The following SMG5 variants were observed in gnomAD, a reference collection of about 807,000 sequenced individuals.
The protein encoded by SMG5 is SMG5 nonsense mediated mRNA decay factor, also known as nonsense-mediated mRNA decay factor SMG5.
In SMG5, 53 loss-of-function variants were observed where a neutral mutation model predicts 122.9. That is an observed-to-expected ratio of 0.43 (90% CI 0.35 to 0.54). The LOEUF (loss-of-function observed/expected upper bound fraction) is 0.54, where lower values mean the gene tolerates loss of function less well. Among genes scored for constraint, SMG5 ranks in the 20% least tolerant of loss-of-function variants. The pLI, the probability that SMG5 is intolerant of heterozygous loss-of-function variation, is 0.01. For missense variants in SMG5, 1,153 were observed against 1,285.6 expected, an observed-to-expected ratio of 0.90 and a Z score of 1.58; for synonymous variants, 477 against 490.2, an observed-to-expected ratio of 0.97 and a Z score of 0.35.
intron 1 of SMG5, among the ~76,000 whole-genome samples, chr1:156,280,390 C>CT (rs1292757293): frequency 1.2e-4 from 18 of 152,238 alleles, no homozygotes; most frequent in Admixed American, 1.0e-3. Flanking sequence ...AGGAGGCACA[C>CT]TACTAAGCTG....
intron 16 of SMG5, chr1:156,253,718 G>C: frequency 3.3e-6 from 2 of 598,238 alleles, no homozygotes; most frequent in Admixed American, 5.0e-5. Flanking sequence ...CCCGATGCAG[G>C]TCATGATGTT....
chr1:156,253,315 G>A, intron 17 of SMG5, 134 bp downstream of exon 17: 1 of 992,064 alleles, frequency 1.0e-6, no homozygotes, highest in Non-Finnish European at 1.6e-6. Flanking sequence ...AGTAAGGAGG[G>A]TCATCTGGGA....
chr1:156,282,477 C>T (rs1004036733), intron 1 of SMG5, 130 bp downstream of exon 1: 1 of 973,992 alleles, frequency 1.0e-6, no homozygotes, highest in African/African-American at 1.6e-5. Flanking sequence ...CGCCCCGCCT[C>T]CAAAATTGCA....
Position 156,259,023 on chromosome 1 carries a change from G to C in SMG5, c.2424C>G (p.Ala808=), listed in dbSNP as rs780775657. 33 of 1,613,658 alleles carry C rather than the reference G, an allele frequency of 2.0e-5. No homozygotes were observed. Among genetic ancestry groups the C allele is most frequent in the Non-Finnish European group, 1.0e-5 (12 of 1,179,908 alleles). The change falls in exon 16 of 22, where the codon GCC becomes GCG. Residue 808 remains alanine (A), a synonymous_variant. Transcript: ENST00000361813. ...QSEQESLLQQ[A]QAQFRMAQEE... ...GACTCACCATTCGGAACTGTGCCTG[G>C]GCCTGCTGCAGCAGGCTCTCCTGCT... is the stretch of plus-strand genomic sequence containing the variant.
chr1:156,274,821 C>T (rs1249829906), intron 4 of SMG5, 135 bp from the exon 5 acceptor site: 4 of 680,330 alleles, frequency 5.9e-6, no homozygotes, highest in Non-Finnish European at 1.0e-5. Flanking sequence ...GGCAGAGACA[C>T]ACTCATCCAG....
intron 7 of SMG5, among the ~76,000 whole-genome samples, chr1:156,268,945 A>T (rs1002956195): frequency 7.9e-5 from 12 of 151,402 alleles, no homozygotes; most frequent in African/African-American, 2.7e-4. Flanking sequence ...CAGCTAACAC[A>T]TGGTAGAGAA....
Position 156,253,523 on chromosome 1 carries a change from A to T in SMG5, c.2443-15T>A. 6.2e-7 allele frequency: 1 copy of T among 1,613,954 alleles called. No homozygotes were observed. The highest frequency in any genetic ancestry group is 8.5e-7 in the Non-Finnish European group (1 of 1,179,852). ...TCCTCCTGTGCCTATGAGGGAAAAAATGAGCTGTAAGGAGTTGGGGTGTAT... is the reference window on the plus strand; with the variant it reads ...TCCTCCTGTGCCTATGAGGGAAAAATTGAGCTGTAAGGAGTTGGGGTGTAT... On this transcript the variant is annotated splice_polypyrimidine_tract_variant and intron_variant, in intron 16 of 21. Coordinates refer to ENST00000361813, the MANE Select transcript of SMG5 (RefSeq NM_015327.3).
At chr1:156,256,636 T>C (rs1003339898) in intron 16 of SMG5, among the ~76,000 whole-genome samples, 1 of 152,024 alleles carries the variant, frequency 6.6e-6, no homozygotes, top group Non-Finnish European at 1.5e-5. Context: ...AAGATGGAGC[T>C]GTGCTAATAT....
In SMG5 at chr1:156,266,681, G is replaced by A; in HGVS notation, c.1118-3C>T. The A allele has an allele frequency of 1.9e-6, 3 of 1,614,112 alleles. No homozygotes were observed. The highest frequency in any genetic ancestry group is 2.5e-6 in the Non-Finnish European group (3 of 1,180,002). ...GGCTGCACTGTACTGCTTGGATCCT[G>A]AAGTCAGGAAAGCCAGGCATTAGGG... On this transcript the variant is annotated splice_polypyrimidine_tract_variant and splice_region_variant and intron_variant, in intron 10 of 21. Transcript: ENST00000361813.
In SMG5 at chr1:156,277,093, G is replaced by C; in HGVS notation, c.446C>G (p.Pro149Arg). The C allele has an allele frequency of 6.2e-7, 1 of 1,613,334 alleles. No individual in the cohort carries two copies. The highest frequency in any genetic ancestry group is 8.5e-7 in the Non-Finnish European group (1 of 1,179,690). Residue 149 changes from proline (P) to arginine (R), a missense_variant, in exon 4 of 22, where the codon CCC becomes CGC. Transcript: ENST00000361813. ...CCIDWTHVTD[P>R]LIGCKKPVSA... Reference sequence around the variant, plus strand: ...TTTCAGGTTCCACTGACCTATGAGGGGGTCAGTGACATGGGTCCAGTCGAT... The same window carrying C: ...TTTCAGGTTCCACTGACCTATGAGGCGGTCAGTGACATGGGTCCAGTCGAT...
chr1:156,255,516 A>C (rs1558233196), intron 16 of SMG5, among the ~76,000 whole-genome samples: 2 of 152,040 alleles, frequency 1.3e-5, no homozygotes, highest in Non-Finnish European at 2.9e-5. Flanking sequence ...TCCAGTCTGC[A>C]CAACAAGAGC....
At chr1:156,255,150 AGT>A (rs1451789519) in intron 16 of SMG5, among the ~76,000 whole-genome samples, 1 of 151,462 alleles carries the variant, frequency 6.6e-6, no homozygotes, top group Non-Finnish European at 1.5e-5. Context: ...GGCCAGGCAC[AGT>A]GGTTCACGCC....
intron 10 of SMG5, 56 bp downstream of exon 10, chr1:156,267,414 G>C: frequency 6.5e-7 from 1 of 1,540,434 alleles, no homozygotes; most frequent in Non-Finnish European, 9.0e-7. Flanking sequence ...GCAGAAAAGG[G>C]GAGTGAGGAT....
chr1:156,261,318 C>T lies in SMG5; in HGVS notation c.2107+15G>A. 4 of 1,613,222 alleles carry T rather than the reference C, an allele frequency of 2.5e-6. No homozygotes were observed. Among genetic ancestry groups the T allele is most frequent in the Non-Finnish European group, 3.4e-6 (4 of 1,179,212 alleles). On this transcript the variant is annotated intron_variant, in intron 14 of 21. Coordinates refer to ENST00000361813, the MANE Select transcript of SMG5 (RefSeq NM_015327.3). ...GAGAGCAAAGAAAGGAGGGTAGTGC[C>T]AGGGACCCACTCACCAGACTCCTGG...
chr1:156,271,492 T>C (rs1394939264), intron 7 of SMG5, among the ~76,000 whole-genome samples: 1 of 151,974 alleles, frequency 6.6e-6, no homozygotes, highest in African/African-American at 2.4e-5. Context: ...ATCAGTCTCA[T>C]GTGCTCTTGG....
chr1:156,251,010 G>A lies in SMG5; in HGVS notation c.2829-14C>T, dbSNP rs200710362. The A allele has an allele frequency of 1.9e-6, 3 of 1,611,336 alleles. No homozygotes were observed. The highest frequency in any genetic ancestry group is 4.5e-5 in the East Asian group (2 of 44,748). ...TTATAGAGAGTCCTGGGGATGGGGG[G>A]CAGAGGGGAAGATGGGCCAAGACCC... is the stretch of plus-strand genomic sequence containing the variant. On this transcript the variant is annotated splice_polypyrimidine_tract_variant and intron_variant, in intron 20 of 21. Transcript: ENST00000361813.
intron 14 of SMG5, among the ~76,000 whole-genome samples, chr1:156,260,905 G>A (rs1572578748): frequency 1.3e-5 from 2 of 152,118 alleles, no homozygotes; most frequent in South Asian, 4.2e-4. Flanking sequence ...GAGAGGAGGC[G>A]CTCAGGATGA....
At chr1:156,285,871 A>G, upstream of SMG5, 2 of 1,613,758 alleles carry the variant, frequency 1.2e-6, no homozygotes, top group Non-Finnish European at 1.7e-6. Context: ...CTTGCCTACT[A>G]TACGGGGCAT....
intron 1 of SMG5, 42 bp from the exon 2 acceptor site, chr1:156,279,076 T>C (rs758942905): frequency 5.9e-6 from 9 of 1,528,496 alleles, no homozygotes; most frequent in Admixed American, 1.7e-5. Flanking sequence ...GCCATATGCA[T>C]GGTCCACAGA....
Sources: allele counts gnomAD v4.1 joint callset (sites outside exome capture counted in the v4.1 genomes callset), GRCh38; gene constraint gnomAD v4.1.1; transcripts MANE v1.5; gene names NCBI Gene and HGNC (gene_info 2026-07-23, HGNC 2026-07-21).